The following SEC23A variants were observed in gnomAD, a reference collection of about 807,000 sequenced individuals.
The protein encoded by SEC23A is SEC23 homolog A, COPII component.
SEC23A carries 56 observed loss-of-function variants against 103.7 expected under a neutral mutation model. That is an observed-to-expected ratio of 0.54 (90% CI 0.44 to 0.67). SEC23A has a LOEUF of 0.67. Ranked by LOEUF, SEC23A falls within the 30% of genes least tolerant of loss-of-function variation. The pLI, the probability that SEC23A is intolerant of heterozygous loss-of-function variation, is 0.00. For synonymous variants in SEC23A, 281 were observed against 293.0 expected (o/e 0.96, Z 0.42); for missense variants, 784 against 936.4 (o/e 0.84, Z 2.12).
At chr14:39,066,330 G>C (rs1886665801) in intron 10 of SEC23A, among the ~76,000 whole-genome samples, 1 of 152,096 alleles carries the variant, frequency 6.6e-6, no homozygotes, top group Non-Finnish European at 1.5e-5. Flanking sequence ...AATGTGCTTA[G>C]AGTTAATTTA....
Position 39,040,824 on chromosome 14 carries a change from G to A in SEC23A, c.2050C>T (p.Leu684Phe), listed in dbSNP as rs770746650. Residue 684 changes from leucine (L) to phenylalanine (F), a missense_variant, in exon 18 of 20, where the codon CTT (leucine) becomes TTT (phenylalanine). Leu to Phe is a conservative substitution (Grantham distance 22). This residue lies in a region of SEC23A where 101 missense variants were observed against 162.2 expected (regional missense o/e 0.62). Coordinates refer to ENST00000307712, the MANE Select transcript of SEC23A (RefSeq NM_006364.4). ...GCATCATCCACTGGGGCTTGCAGAAGGTGGCGGAAATTTTCATACTCAGGC... is the reference window on the plus strand; with the variant it reads ...GCATCATCCACTGGGGCTTGCAGAAAGTGGCGGAAATTTTCATACTCAGGC... ...DMPEYENFRH[L>F]LQAPVDDAQE... The A allele has an allele frequency of 3.7e-6, 6 of 1,614,160 alleles. No homozygotes were observed. The highest frequency in any genetic ancestry group is 1.1e-5 in the South Asian group (1 of 91,082).
At chr14:39,048,889 A>G (rs533118612) in intron 14 of SEC23A, among the ~76,000 whole-genome samples, 160 bp from the exon 15 acceptor site, 1 of 152,256 alleles carries the variant, frequency 6.6e-6, no homozygotes, top group South Asian at 2.1e-4. Context: ...CAAGAGACAA[A>G]ACCAAAGAAA....
At position 39,062,504 on chromosome 14, in the gene SEC23A, T is replaced by C. The variant is rs17108793; in HGVS notation, c.1399-633A>G. Among the ~76,000 whole-genome samples, 527 of 152,214 alleles carry C rather than the reference T, an allele frequency of 3.5e-3. 5 individuals are homozygous for C. The highest frequency in any genetic ancestry group is 0.012 in the African/African-American group (506 of 41,528). ...GGTATAGAAGATGAAAGCAGAACTT[T>C]TAGGAACATAATCATATGATGAACA... On this transcript the variant is annotated intron_variant, in intron 12 of 19. Transcript: ENST00000307712.
chr14:39,083,352 T>C (rs1887297018), intron 7 of SEC23A, among the ~76,000 whole-genome samples: 1 of 152,016 alleles, frequency 6.6e-6, no homozygotes, highest in Non-Finnish European at 1.5e-5. Flanking sequence ...GTCTCTCACC[T>C]ACCTGTCTCT....
At chr14:39,090,705 C>G (rs1887631514) in intron 5 of SEC23A, among the ~76,000 whole-genome samples, 1 of 152,192 alleles carries the variant, frequency 6.6e-6, no homozygotes, top group Non-Finnish European at 1.5e-5. Flanking sequence ...ACCCTCACTT[C>G]ATCAGGTGAC....
chr14:39,057,657 C>T (rs73285780), intron 13 of SEC23A, among the ~76,000 whole-genome samples: 2 of 152,100 alleles, frequency 1.3e-5, no homozygotes, highest in African/African-American at 4.8e-5. Context: ...CATGAGCCAC[C>T]GCACTTGGCC....
intron 8 of SEC23A, 28 bp from the exon 9 acceptor site, chr14:39,074,558 A>G (rs754744391): frequency 5.0e-6 from 7 of 1,387,514 alleles, no homozygotes; most frequent in Non-Finnish European, 7.1e-6. Context: ...AATTAAAATA[A>G]TATACAAAAT....
rs1566514264 is a variant in SEC23A, at chr14:39,094,227, T to TATATATATATGCATATATACACATAC, written c.222-984_222-983insGTATGTGTATATATGCATATATATAT. On this transcript the variant is annotated intron_variant, in intron 2 of 19. Coordinates refer to ENST00000307712, the MANE Select transcript of SEC23A (RefSeq NM_006364.4). ...ATATATATGCATATATACACATACA[T>TATATATATATGCATATATACACATAC]ATATATATATGCATATATACACATA... is the stretch of plus-strand genomic sequence containing the variant. Among the ~76,000 whole-genome samples, 316 of 83,426 alleles carry TATATATATATGCATATATACACATAC rather than the reference T, an allele frequency of 3.8e-3. 21 individuals carry two copies. Among genetic ancestry groups the TATATATATATGCATATATACACATAC allele is most frequent in the African/African-American group, 0.012 (300 of 24,190 alleles). The allele number at this position is 83,426 out of a possible 152,430, so 54.7% of individuals were successfully genotyped here. A position where few individuals can be genotyped will look rare whatever the true frequency, so the allele number is the denominator to read the frequency against.
Position 39,081,206 on chromosome 14 carries a change from T to TA in SEC23A, c.828+4555dup, listed in dbSNP as rs780983657. On this transcript the variant is annotated intron_variant, in intron 7 of 19. Coordinates refer to ENST00000307712, the MANE Select transcript of SEC23A (RefSeq NM_006364.4). Reference sequence around the variant, plus strand: ...CAGCCTGAGCAACAGAGGCTCTGTTTAAAAAAAAAAAAAAACACACACACA... The same window carrying TA: ...CAGCCTGAGCAACAGAGGCTCTGTTTAAAAAAAAAAAAAAAACACACACACA... 9.5e-3 allele frequency among the ~76,000 whole-genome samples: 1,207 copies of TA among 127,596 alleles called. 15 individuals are homozygous for TA. The highest frequency in any genetic ancestry group is 0.029 in the African/African-American group (997 of 34,514). The allele number at this position is 127,596 out of a possible 152,430, so 83.7% of individuals were successfully genotyped here.
intron 12 of SEC23A, among the ~76,000 whole-genome samples, chr14:39,062,638 G>A (rs575350871): frequency 6.6e-6 from 1 of 152,052 alleles, no homozygotes; most frequent in South Asian, 2.1e-4. Context: ...CCTGCATTCT[G>A]ACAACAGACA....
At chr14:39,089,599 C>T (rs964606148) in intron 5 of SEC23A, among the ~76,000 whole-genome samples, 1 of 152,126 alleles carries the variant, frequency 6.6e-6, no homozygotes, top group Non-Finnish European at 1.5e-5. Flanking sequence ...ATCTCTTTAA[C>T]TCAGTTCTCT....
At chr14:39,059,310 A>AAAAAAC (rs10693539) in intron 13 of SEC23A, among the ~76,000 whole-genome samples, 16 of 105,776 alleles carry the variant, frequency 1.5e-4, no homozygotes, top group Non-Finnish European at 2.8e-4. Context: ...AAAAAAAAAA[A>AAAAAAC]CAACAAGGTG....
At chr14:39,071,569 T>C (rs900403240) in intron 9 of SEC23A, among the ~76,000 whole-genome samples, 7 of 150,274 alleles carry the variant, frequency 4.7e-5, no homozygotes, top group Non-Finnish European at 8.9e-5. Context: ...AATTAAAAAA[T>C]TTTTTAAAAT....
intron 9 of SEC23A, 95 bp from the exon 10 acceptor site, chr14:39,067,391 T>C: frequency 7.3e-7 from 1 of 1,364,572 alleles, no homozygotes; most frequent in Admixed American, 1.9e-5. Context: ...AAACTACCAA[T>C]AAATTTTAAA....
intron 1 of SEC23A, among the ~76,000 whole-genome samples, chr14:39,100,571 C>A (rs1888051375): frequency 1.3e-5 from 2 of 151,910 alleles, no homozygotes; most frequent in South Asian, 2.1e-4. Flanking sequence ...AGCCACCACA[C>A]CTGGCTAATT....
intron 2 of SEC23A, among the ~76,000 whole-genome samples, chr14:39,093,526 T>G (rs1315429033): frequency 6.6e-6 from 1 of 152,118 alleles, no homozygotes; most frequent in Non-Finnish European, 1.5e-5. Context: ...TTGGGAGGCC[T>G]GAGGCGGCAG....
chr14:39,065,997 CAAAAAAAAAAAAAAAAAAAAA>C (rs59260008), intron 10 of SEC23A, among the ~76,000 whole-genome samples: 6 of 80,554 alleles, frequency 7.4e-5, no homozygotes, highest in South Asian at 4.4e-4. Context: ...AACTCCATCT[CAAAAAAAAAAAAAAAAAAAAA>C]AAAAAAAAAA....
chr14:39,061,398 T>C (rs539073860), intron 13 of SEC23A, among the ~76,000 whole-genome samples: 2 of 152,156 alleles, frequency 1.3e-5, no homozygotes, highest in South Asian at 4.1e-4. Flanking sequence ...GCTAAGAATT[T>C]TTATCACTAA....
intron 2 of SEC23A, among the ~76,000 whole-genome samples, chr14:39,094,249 CATATACATATATATGCATATATACACAT>C (rs1887764686): frequency 3.1e-5 from 3 of 95,864 alleles, no homozygotes; most frequent in Admixed American, 2.1e-4. Context: ...CATATATACA[CATATACATATATATGCATATATACACAT>C]ATACACATAT....
Sources: gnomAD v4.1 joint callset for allele counts (sites outside exome capture counted in the v4.1 genomes callset) on GRCh38, gnomAD v4.1.1 for gene constraint, gnomAD v4.1.1 regional missense constraint, MANE v1.5 for transcripts, NCBI Gene and HGNC (gene_info 2026-07-23, HGNC 2026-07-21) for gene names.